The following NR1I2 variants were observed in gnomAD, a reference collection of about 807,000 sequenced individuals.
NR1I2 encodes the protein orphan nuclear receptor PAR1.
NR1I2 carries 42 observed loss-of-function variants against 43.3 expected under a neutral mutation model. The observed-to-expected ratio is 0.97, with a 90% CI of 0.76 to 1.26. NR1I2 has a LOEUF of 1.26. NR1I2 is among the 50% of genes most tolerant of loss of function. The pLI is 0.00. For synonymous variants in NR1I2, 229 were observed against 215.0 expected, an observed-to-expected ratio of 1.06 and a Z score of -0.57; for missense variants, 559 against 566.7, an observed-to-expected ratio of 0.99 and a Z score of 0.14.
intron 1 of NR1I2, among the ~76,000 whole-genome samples, chr3:119,799,120 G>T (rs1258542232): frequency 6.6e-6 from 1 of 152,174 alleles, no homozygotes; most frequent in Non-Finnish European, 1.5e-5. Flanking sequence ...CTGAGCAATT[G>T]TTTTCTTAAG....
In NR1I2 at chr3:119,812,899, G is replaced by C; in HGVS notation, c.733G>C (p.Asp245His). 6.2e-7 allele frequency: 1 copy of C among 1,614,142 alleles called. No individual in the cohort carries two copies. The highest frequency in any genetic ancestry group is 8.5e-7 in the Non-Finnish European group (1 of 1,180,024). Residue 245 changes from aspartate (D) to histidine (H), a missense_variant, in exon 5 of 9, where the codon GAC (aspartate) becomes CAC (histidine). Physicochemically the swap from Asp to His is moderately conservative, Grantham distance 81. Around this residue, in one of 3 missense-constraint regions of NR1I2, gnomAD observed 323 missense variants for 312.2 expected, o/e 1.03. Coordinates refer to ENST00000393716, the MANE Select transcript of NR1I2 (RefSeq NM_003889.4). Reference sequence around the variant, plus strand: ...CTTCTCCCTGCTGCCCCACATGGCTGACATGTCAACCTACATGTTCAAAGG... The same window carrying C: ...CTTCTCCCTGCTGCCCCACATGGCTCACATGTCAACCTACATGTTCAAAGG...
At chr3:119,814,519 G>C (rs573036953) in intron 5 of NR1I2, among the ~76,000 whole-genome samples, 1 of 152,338 alleles carries the variant, frequency 6.6e-6, no homozygotes, top group East Asian at 1.9e-4. Context: ...ACTCTGGAAA[G>C]GGGAGACTGC....
intron 1 of NR1I2, among the ~76,000 whole-genome samples, chr3:119,796,496 AGCCTTGTACT>A (rs1274615517): frequency 6.6e-6 from 1 of 152,196 alleles, no homozygotes; most frequent in Non-Finnish European, 1.5e-5. Flanking sequence ...AGCTCACTCA[AGCCTTGTACT>A]GCTCTCCCCT....
chr3:119,791,661 T>C (rs530037352), intron 1 of NR1I2, among the ~76,000 whole-genome samples: 1 of 152,272 alleles, frequency 6.6e-6, no homozygotes, highest in African/African-American at 2.4e-5. Context: ...ACAACTGTAA[T>C]CCCAGCACTT....
In NR1I2 at chr3:119,815,844, G is replaced by C. The variant is rs768694652; in HGVS notation, c.1160+13G>C. On this transcript the variant is annotated intron_variant, in intron 8 of 8. Transcript: ENST00000393716. ...AGCCTGCTCATAGGTGAGCACAGCA[G>C]GGGGTGAGGACCCGTGAGGGTGATG... is the stretch of plus-strand genomic sequence containing the variant. 6.3e-7 allele frequency: 1 copy of C among 1,592,066 alleles called. No homozygotes were observed. Among genetic ancestry groups the C allele is most frequent in the Non-Finnish European group, 8.6e-7 (1 of 1,166,670 alleles).
rs1577285275 is a variant in NR1I2 at position 119,812,604 on chromosome 3, GT to G, written c.520-79del. On this transcript the variant is annotated intron_variant, in intron 4 of 8. Coordinates refer to ENST00000393716, the MANE Select transcript of NR1I2 (RefSeq NM_003889.4). ...TCGAGCTGCAACTGTGGCTGTGCAT[GT>G]TTGGCTGGGGCCTGAGTTGGGACCT... is the stretch of plus-strand genomic sequence containing the variant. The G allele has an allele frequency of 1.9e-6, 3 of 1,554,730 alleles. No individual in the cohort carries two copies. The East Asian group carries it at 6.7e-5, about 35-fold the overall frequency.
At chr3:119,811,268 C>T (rs1428598833) in intron 3 of NR1I2, 4 of 378,504 alleles carry the variant, frequency 1.1e-5, no homozygotes, top group East Asian at 8.4e-5. Flanking sequence ...TTCTGAAGCC[C>T]GTGCTCTTGC....
chr3:119,815,700 T>G (rs1173180728), intron 7 of NR1I2, 26 bp from the exon 8 acceptor site: 8 of 1,586,662 alleles, frequency 5.0e-6, no homozygotes, highest in Non-Finnish European at 6.9e-6. Context: ...CCCCATGATC[T>G]TGCACCACAC....
intron 2 of NR1I2, 52 bp from the exon 3 acceptor site, chr3:119,810,009 C>T: frequency 1.2e-6 from 2 of 1,612,028 alleles, no homozygotes; most frequent in Non-Finnish European, 1.7e-6. Context: ...AGCCCCAGGC[C>T]GAGGGCCCGG....
intron 1 of NR1I2, among the ~76,000 whole-genome samples, chr3:119,801,722 A>G (rs1259435493): frequency 6.6e-6 from 1 of 152,226 alleles, no homozygotes; most frequent in East Asian, 1.9e-4. Flanking sequence ...GGCTGGGCTC[A>G]GCTGGGGAGT....
At chr3:119,786,241 C>T (rs1016010487) in intron 1 of NR1I2, among the ~76,000 whole-genome samples, 1 of 152,090 alleles carries the variant, frequency 6.6e-6, no homozygotes, top group African/African-American at 2.4e-5. Context: ...TTTGTTGAGC[C>T]ATCAGACTCT....
chr3:119,811,582 C>T lies in NR1I2; in HGVS notation c.375C>T (p.Ile125=). The stretch of plus-strand genomic sequence containing the variant: ...CCGTGGAGGAGAGGCGGGCCTTGAT[C>T]AAGCGGAAGAAAAGTGAACGGACAG... Residue 125 remains isoleucine (I), a synonymous_variant, in exon 4 of 9, where the codon ATC becomes ATT. Coordinates refer to ENST00000393716, the MANE Select transcript of NR1I2 (RefSeq NM_003889.4). 6.2e-7 allele frequency: 1 copy of T among 1,613,730 alleles called. No homozygotes were observed. The highest frequency in any genetic ancestry group is 8.5e-7 in the Non-Finnish European group (1 of 1,179,850).
At chr3:119,809,062 C>T (rs1235633436) in intron 2 of NR1I2, among the ~76,000 whole-genome samples, 3 of 152,310 alleles carry the variant, frequency 2.0e-5, no homozygotes, top group East Asian at 3.9e-4. Context: ...GGGCTTGGCT[C>T]AGCTTCCCAG....
chr3:119,803,393 C>G (rs2055107468), intron 1 of NR1I2, among the ~76,000 whole-genome samples: 2 of 150,842 alleles, frequency 1.3e-5, no homozygotes, highest in African/African-American at 2.4e-5. Context: ...TCCCAGAGAC[C>G]CAAAGAGCTA....
intron 1 of NR1I2, chr3:119,792,489 C>A: frequency 9.3e-7 from 1 of 1,077,716 alleles, no homozygotes. Context: ...TACCAGCTCT[C>A]TCGCTCTTGG....
intron 5 of NR1I2, among the ~76,000 whole-genome samples, chr3:119,813,569 A>G (rs1466127002): frequency 6.6e-6 from 1 of 152,130 alleles, no homozygotes; most frequent in Non-Finnish European, 1.5e-5. Flanking sequence ...GTCCTTGGGT[A>G]GGCCACCTTG....
At chr3:119,800,347 C>T (rs1304417089) in intron 1 of NR1I2, among the ~76,000 whole-genome samples, 1 of 152,174 alleles carries the variant, frequency 6.6e-6, no homozygotes, top group African/African-American at 2.4e-5. Context: ...ACCCATCAAT[C>T]TCTATATCTG....
At position 119,810,703 on chromosome 3, in the gene NR1I2, G is replaced by A. The variant is rs527829078; in HGVS notation, c.331+509G>A. Among the ~76,000 whole-genome samples, 5 of 152,298 alleles carry A rather than the reference G, an allele frequency of 3.3e-5. 1 individual carries two copies. The South Asian group carries it at 8.3e-4, about 25-fold the overall frequency. On this transcript the variant is annotated intron_variant, in intron 3 of 8. Coordinates refer to ENST00000393716, the MANE Select transcript of NR1I2 (RefSeq NM_003889.4). ...CTACCTATTTAACTTTGATATATTT[G>A]TGCTCCTAGGTCACTATGAGATTAA...
At chr3:119,796,886 A>G (rs915300775) in intron 1 of NR1I2, among the ~76,000 whole-genome samples, 2 of 152,142 alleles carry the variant, frequency 1.3e-5, no homozygotes, top group African/African-American at 4.8e-5. Context: ...CTTCCATTTT[A>G]TTGTAGAGAC....
Sources: gnomAD v4.1 joint callset for allele counts (sites outside exome capture counted in the v4.1 genomes callset) on GRCh38, gnomAD v4.1.1 for gene constraint, gnomAD v4.1.1 regional missense constraint, MANE v1.5 for transcripts, NCBI Gene and HGNC (gene_info 2026-07-23, HGNC 2026-07-21) for gene names.